The following NMT2 variants were observed in gnomAD, a reference collection of about 807,000 sequenced individuals.
The protein encoded by NMT2 is glycylpeptide N-tetradecanoyltransferase 2.
Under a neutral mutation model 65.4 loss-of-function variants are expected in NMT2, and 35 were observed. That is an observed-to-expected ratio of 0.54 (90% CI 0.41 to 0.71). The LOEUF is 0.71. NMT2 is among the 30% of genes least tolerant of loss of function. NMT2 has a pLI of 0.00. For synonymous variants in NMT2, 226 were observed against 231.8 expected (o/e 0.98, Z 0.23); for missense variants, 489 against 611.3 (o/e 0.80, Z 2.11).
chr10:15,153,397 T>C (rs1832872055), intron 1 of NMT2, among the ~76,000 whole-genome samples: 1 of 152,274 alleles, frequency 6.6e-6, no homozygotes, highest in South Asian at 2.1e-4. Context: ...GGCACACATG[T>C]GCACATGCTC....
At chr10:15,115,681 A>G (rs1845719643) in intron 9 of NMT2, among the ~76,000 whole-genome samples, 1 of 152,244 alleles carries the variant, frequency 6.6e-6, no homozygotes, top group African/African-American at 2.4e-5. Flanking sequence ...AACATGACCC[A>G]GCTATAGGCT....
In NMT2 at chr10:15,128,243, T is replaced by C. The variant is rs113659100; in HGVS notation, c.999+107A>G. 1,241 of 708,390 alleles carry C rather than the reference T, an allele frequency of 1.8e-3. 8 individuals carry two copies. The African/African-American group carries it at 0.02, about 11-fold the overall frequency. 43.9% of individuals were successfully genotyped at this position (708,390 alleles called of 1,614,324 possible). A position where few individuals can be genotyped will look rare whatever the true frequency, so the allele number is the denominator to read the frequency against. ...GAAATCTCTTTCGCTCCATATTCAC[T>C]TCCTCAGACACACCAGTCAGTTTTT... On this transcript the variant is annotated intron_variant, in intron 8 of 11. Transcript: ENST00000378165.
chr10:15,142,334 G>A (rs758187867), intron 1 of NMT2, among the ~76,000 whole-genome samples: 4 of 152,178 alleles, frequency 2.6e-5, no homozygotes, highest in Non-Finnish European at 5.9e-5. Flanking sequence ...GAGGCAGGTG[G>A]ATAGCTTGAG....
chr10:15,159,746 T>C (rs1833123918), intron 1 of NMT2, among the ~76,000 whole-genome samples: 1 of 152,168 alleles, frequency 6.6e-6, no homozygotes, highest in Non-Finnish European at 1.5e-5. Context: ...CCTTTTACTC[T>C]AGCTGGTTGG....
chr10:15,122,444 G>A (rs1845956813), intron 8 of NMT2, among the ~76,000 whole-genome samples: 1 of 151,428 alleles, frequency 6.6e-6, no homozygotes, highest in Admixed American at 6.6e-5. Context: ...TTGAGATGGA[G>A]TCTTACTCTG....
chr10:15,134,908 C>T (rs1846421552), intron 3 of NMT2, among the ~76,000 whole-genome samples: 5 of 152,044 alleles, frequency 3.3e-5, no homozygotes, highest in African/African-American at 1.2e-4. Flanking sequence ...ATCACTTGAG[C>T]CCAGGAGGTG....
chr10:15,127,843 C>A (rs1329476567), intron 8 of NMT2, among the ~76,000 whole-genome samples: 1 of 150,298 alleles, frequency 6.7e-6, no homozygotes. Flanking sequence ...GCAGAGGTTG[C>A]AGTGAGCTGA....
chr10:15,110,300 C>T (rs1322335992), intron 10 of NMT2, among the ~76,000 whole-genome samples: 2 of 150,920 alleles, frequency 1.3e-5, no homozygotes, highest in African/African-American at 4.9e-5. Context: ...AGGAAGAATT[C>T]AGTTGAAAAT....
chr10:15,138,027 T>C (rs542746635), intron 2 of NMT2, among the ~76,000 whole-genome samples: 1 of 151,502 alleles, frequency 6.6e-6, no homozygotes, highest in South Asian at 2.1e-4. Context: ...TTTTTTCATT[T>C]TGAGGCAGAG....
chr10:15,166,279 G>A (rs1040014044), intron 1 of NMT2, among the ~76,000 whole-genome samples: 15 of 152,194 alleles, frequency 9.9e-5, no homozygotes, highest in African/African-American at 3.4e-4. Flanking sequence ...TGCACTGGCC[G>A]CTGCCTGGTG....
chr10:15,153,260 T>A (rs933291760), intron 1 of NMT2, among the ~76,000 whole-genome samples: 1 of 152,178 alleles, frequency 6.6e-6, no homozygotes, highest in Admixed American at 6.5e-5. Context: ...CCCTCCGCCA[T>A]CTCTAAAAAA....
At chr10:15,112,029 A>T (rs1481194074) in intron 10 of NMT2, among the ~76,000 whole-genome samples, 1 of 150,326 alleles carries the variant, frequency 6.7e-6, no homozygotes, top group African/African-American at 2.4e-5. Flanking sequence ...GACTGGCTAC[A>T]ATTAAATTTT....
In NMT2 at chr10:15,107,824, C is replaced by T. The variant is rs143922902; in HGVS notation, c.*1371G>A. ...GCCTCGGTTAGCATCTTATTTTTCC[C>T]GCAGATTATTGGCAATATAAACACA... On this transcript the variant is annotated 3_prime_UTR_variant, in exon 12 of 12. Coordinates refer to ENST00000378165, the MANE Select transcript of NMT2 (RefSeq NM_004808.3). The T allele has an allele frequency of 1.2e-4, 119 of 985,740 alleles. No homozygotes were observed. The East Asian group carries it at 1.4e-3, about 11-fold the overall frequency. The allele number at this position is 985,740 out of a possible 1,614,324, so 61.1% of individuals were successfully genotyped here. A position where few individuals can be genotyped will look rare whatever the true frequency, so the allele number is the denominator to read the frequency against.
At chr10:15,144,451 G>A (rs1846886596) in intron 1 of NMT2, among the ~76,000 whole-genome samples, 1 of 152,192 alleles carries the variant, frequency 6.6e-6, no homozygotes, top group African/African-American at 2.4e-5. Context: ...AAAAAGCCAG[G>A]CCAGGTGCAG....
At chr10:15,161,297 A>G (rs1035507503) in intron 1 of NMT2, among the ~76,000 whole-genome samples, 2 of 152,076 alleles carry the variant, frequency 1.3e-5, no homozygotes, top group African/African-American at 4.8e-5. Flanking sequence ...CACTCTAAGA[A>G]AAAAAATCAT....
At chr10:15,135,190 GT>G (rs377605955) in intron 3 of NMT2, 83 bp downstream of exon 3, 87,077 of 1,236,118 alleles carry the variant, frequency 0.07, 2,803 homozygotes, top group African/African-American at 0.13. Context: ...CACTCTTTGT[GT>G]TTTGTTGTTG....
At position 15,120,382 on chromosome 10, in the gene NMT2, T is replaced by C. The variant is rs540960071; in HGVS notation, c.1000-869A>G. Among the ~76,000 whole-genome samples, 3 of 152,276 alleles carry C rather than the reference T, an allele frequency of 2.0e-5. No individual in the cohort carries two copies. The South Asian group carries it at 6.2e-4, about 32-fold the overall frequency. ...CTGAGGCAGGAGAATCGTTTGAAAC[T>C]GGGAGGCGAAGGTTGCAGTGAACCA... On this transcript the variant is annotated intron_variant, in intron 8 of 11. Transcript: ENST00000378165.
chr10:15,143,345 A>T (rs1846841041), intron 1 of NMT2, among the ~76,000 whole-genome samples: 1 of 152,206 alleles, frequency 6.6e-6, no homozygotes, highest in African/African-American at 2.4e-5. Flanking sequence ...CACTTCTACC[A>T]TGTATTCTAA....
intron 2 of NMT2, among the ~76,000 whole-genome samples, chr10:15,140,195 T>C (rs1256658165): frequency 6.6e-6 from 1 of 152,088 alleles, no homozygotes; most frequent in Non-Finnish European, 1.5e-5. Context: ...TGATCTTGGC[T>C]CACTGCAACC....
Sources: allele counts gnomAD v4.1 joint callset (sites outside exome capture counted in the v4.1 genomes callset), GRCh38; gene constraint gnomAD v4.1.1; transcripts MANE v1.5; gene names NCBI Gene and HGNC (gene_info 2026-07-23, HGNC 2026-07-21).